Variants in KCNJ6 observed in about 807,000 individuals in gnomAD.
The protein encoded by KCNJ6 is G protein-activated inward rectifier potassium channel 2.
KCNJ6 carries 9 observed loss-of-function variants against 34.2 expected under a neutral mutation model. The observed-to-expected ratio is 0.26, with a 90% CI of 0.16 to 0.46. The LOEUF (loss-of-function observed/expected upper bound fraction) is 0.46, where lower values mean the gene tolerates loss of function less well. Among genes scored for constraint, KCNJ6 ranks in the 20% least tolerant of loss-of-function variants. The pLI is 1.00. For synonymous variants in KCNJ6, 196 were observed against 207.1 expected, an observed-to-expected ratio of 0.95 and a Z score of 0.46; for missense variants, 236 against 531.3, an observed-to-expected ratio of 0.44 and a Z score of 5.46.
intron 2 of KCNJ6, among the ~76,000 whole-genome samples, chr21:37,795,698 C>T (rs1327993795): frequency 6.7e-6 from 1 of 148,186 alleles, no homozygotes; most frequent in African/African-American, 2.5e-5. Context: ...CATGCCATTG[C>T]ACTCCAGCCT....
At chr21:37,694,814 G>T (rs887685526) in intron 3 of KCNJ6, among the ~76,000 whole-genome samples, 2 of 152,146 alleles carry the variant, frequency 1.3e-5, no homozygotes, top group African/African-American at 2.4e-5. Context: ...TGTATCAGGT[G>T]GGGAACCTGA....
chr21:37,700,223 C>T (rs2054683727), intron 3 of KCNJ6, among the ~76,000 whole-genome samples: 1 of 152,078 alleles, frequency 6.6e-6, no homozygotes, highest in African/African-American at 2.4e-5. Flanking sequence ...AGAGGGAGGA[C>T]TTTTGAGAAA....
chr21:37,665,045 C>T (rs1309291859), intron 3 of KCNJ6, among the ~76,000 whole-genome samples: 1 of 152,114 alleles, frequency 6.6e-6, no homozygotes, highest in Non-Finnish European at 1.5e-5. Flanking sequence ...ATCCGCCTGC[C>T]TCAGCCTCCC....
At chr21:37,652,343 G>A (rs1302589533) in intron 3 of KCNJ6, among the ~76,000 whole-genome samples, 2 of 152,168 alleles carry the variant, frequency 1.3e-5, no homozygotes, top group African/African-American at 2.4e-5. Flanking sequence ...AGAACAGTGG[G>A]GTCAGAAACC....
rs1197361019 is a variant in KCNJ6 at position 37,863,865 on chromosome 21, T to TTG, written c.-27-23157_-27-23156insCA. ...ATAAAGGTTTTTTTTTTTTTGTTTT[T>TTG]TTTTTTTTTTGGTGAAGAGAGAGAA... On this transcript the variant is annotated intron_variant, in intron 1 of 3. Coordinates refer to ENST00000609713, the MANE Select transcript of KCNJ6 (RefSeq NM_002240.5). 9.0e-5 allele frequency among the ~76,000 whole-genome samples: 13 copies of TTG among 144,356 alleles called. 1 individual carries two copies. The highest frequency in any genetic ancestry group is 4.4e-4 in the South Asian group (2 of 4,514). The allele number at this position is 144,356 out of a possible 152,430, so 94.7% of individuals were successfully genotyped here. A position where few individuals can be genotyped will look rare whatever the true frequency, so the allele number is the denominator to read the frequency against.
chr21:37,748,987 G>A (rs779719151), intron 2 of KCNJ6, among the ~76,000 whole-genome samples: 5 of 152,098 alleles, frequency 3.3e-5, no homozygotes, highest in Admixed American at 1.3e-4. Context: ...GATATTTAAC[G>A]CTCACATTTC....
At chr21:37,876,326 CAA>C (rs2055677934) in intron 1 of KCNJ6, among the ~76,000 whole-genome samples, 1 of 152,206 alleles carries the variant, frequency 6.6e-6, no homozygotes, top group African/African-American at 2.4e-5. Flanking sequence ...AGTAACTTGC[CAA>C]AAGTCACCCA....
At chr21:37,651,142 C>T (rs2054431187) in intron 3 of KCNJ6, among the ~76,000 whole-genome samples, 1 of 152,110 alleles carries the variant, frequency 6.6e-6, no homozygotes, top group Non-Finnish European at 1.5e-5. Flanking sequence ...AGGGCAGGAG[C>T]TTGGTGTCAC....
intron 3 of KCNJ6, among the ~76,000 whole-genome samples, chr21:37,626,544 T>A (rs1357144633): frequency 6.6e-6 from 1 of 152,170 alleles, no homozygotes; most frequent in African/African-American, 2.4e-5. Flanking sequence ...AAATATGAAA[T>A]GGCAGAATGA....
At chr21:37,899,142 G>C (rs568617591) in intron 1 of KCNJ6, among the ~76,000 whole-genome samples, 8 of 152,294 alleles carry the variant, frequency 5.3e-5, no homozygotes, top group Non-Finnish European at 1.0e-4. Context: ...AGCTAAGAAA[G>C]GGAGAGACGG....
At chr21:37,685,405 G>A (rs1399405540) in intron 3 of KCNJ6, among the ~76,000 whole-genome samples, 2 of 149,762 alleles carry the variant, frequency 1.3e-5, no homozygotes, top group East Asian at 4.0e-4. Flanking sequence ...ATCCTGGCCG[G>A]GTGCAGTGGG....
intron 1 of KCNJ6, among the ~76,000 whole-genome samples, chr21:37,889,012 C>T (rs968623312): frequency 7.9e-5 from 12 of 152,208 alleles, no homozygotes; most frequent in Admixed American, 2.6e-4. Flanking sequence ...CACCATAAGG[C>T]TATGTCAGCC....
intron 2 of KCNJ6, among the ~76,000 whole-genome samples, chr21:37,770,149 G>C (rs1239997502): frequency 6.6e-6 from 1 of 152,162 alleles, no homozygotes; most frequent in Non-Finnish European, 1.5e-5. Flanking sequence ...GCCAGTAGGA[G>C]CTGCACTTTC....
chr21:37,657,838 GA>G (rs1378385077), intron 3 of KCNJ6, among the ~76,000 whole-genome samples: 1 of 152,218 alleles, frequency 6.6e-6, no homozygotes, highest in Admixed American at 6.5e-5. Context: ...TCCATGAAGG[GA>G]ATTTTCTGGG....
intron 1 of KCNJ6, among the ~76,000 whole-genome samples, chr21:37,914,008 G>GGGGGGGTGTGTGT (rs760597650): frequency 2.2e-5 from 3 of 135,480 alleles, no homozygotes; most frequent in African/African-American, 8.3e-5. Context: ...GGCGGATCGG[G>GGGGGGGTGTGTGT]GTGTGTGTGT....
At chr21:37,636,382 G>C (rs1289540929) in intron 3 of KCNJ6, among the ~76,000 whole-genome samples, 2 of 152,222 alleles carry the variant, frequency 1.3e-5, no homozygotes, top group Admixed American at 6.5e-5. Context: ...TCTGAACTAA[G>C]TTATTTCTCC....
chr21:37,644,115 C>T (rs1380350634), intron 3 of KCNJ6, among the ~76,000 whole-genome samples: 1 of 152,184 alleles, frequency 6.6e-6, no homozygotes, highest in Non-Finnish European at 1.5e-5. Context: ...TCAGCAAACT[C>T]ATGCAGAAAC....
intron 1 of KCNJ6, among the ~76,000 whole-genome samples, chr21:37,865,464 G>A (rs2055618219): frequency 6.6e-6 from 1 of 152,244 alleles, no homozygotes; most frequent in African/African-American, 2.4e-5. Context: ...TGGAGGGGGA[G>A]GCAGGGGCCT....
intron 1 of KCNJ6, among the ~76,000 whole-genome samples, chr21:37,860,949 T>G (rs988753984): frequency 1.6e-5 from 2 of 123,798 alleles, no homozygotes; most frequent in African/African-American, 6.9e-5. Context: ...TTGAGCTGCA[T>G]GACATTGGGA....
Sources: allele counts gnomAD v4.1 joint callset (sites outside exome capture counted in the v4.1 genomes callset), GRCh38; gene constraint gnomAD v4.1.1; transcripts MANE v1.5; gene names NCBI Gene and HGNC (gene_info 2026-07-23, HGNC 2026-07-21).